ZNF749: variants seen among roughly 807,000 people sequenced by gnomAD.
ZNF749 encodes zinc finger protein 749.
A neutral mutation model predicts 7.3 loss-of-function variants in ZNF749; 8 were observed. The ratio of observed to expected loss-of-function variants is 1.10; its 90% CI spans 0.64 to 1.98. ZNF749 has a LOEUF of 1.98. Among genes scored for constraint, ZNF749 ranks in the 30% most tolerant of loss-of-function variants. ZNF749 has a pLI of 0.00. For synonymous variants in ZNF749, 310 were observed against 322.4 expected (o/e 0.96, Z 0.41); for missense variants, 898 against 932.4 (o/e 0.96, Z 0.48).
chr19:57,444,466 T>C lies in ZNF749; in HGVS notation c.1318T>C (p.Cys440Arg), dbSNP rs376363455. 2.9e-5 allele frequency: 46 copies of C among 1,613,894 alleles called. No individual in the cohort carries two copies. The highest frequency in any genetic ancestry group is 3.9e-5 in the Non-Finnish European group (46 of 1,179,906). Residue 440 changes from cysteine to arginine, a missense_variant, in exon 3 of 3, where the codon TGC (cysteine) becomes CGC (arginine). Transcript: ENST00000334181. ...KIHTGERPYE[C>R]TECEKAFVRK... ...TCATACTGGAGAACGGCCTTATGAG[T>C]GCACTGAATGTGAGAAGGCCTTTGT...
At chr19:57,434,605 A>T (rs2123087266), upstream of ZNF749, among the ~76,000 whole-genome samples, 1 of 152,230 alleles carries the variant, frequency 6.6e-6, no homozygotes, top group South Asian at 2.1e-4. Flanking sequence ...GTTAAAACCA[A>T]GCTGTAGATG....
Position 57,442,949 on chromosome 19 carries a change from AGTAGT to A in ZNF749, c.143-341_143-337del, listed in dbSNP as rs2089007638. Reference sequence around the variant, plus strand: ...GTTATGAGGTCTGCGTGTATCCTTCAGTAGTCCATGAATACTCGCTCTCACACAAT... The same window carrying A: ...GTTATGAGGTCTGCGTGTATCCTTCACCATGAATACTCGCTCTCACACAAT... On this transcript the variant is annotated intron_variant, in intron 2 of 2. Transcript: ENST00000334181. The surrounding 1 kb of genome is among the most constrained non-coding windows in gnomAD (Gnocchi z 6.6). Among the ~76,000 whole-genome samples, 1 of 152,162 alleles carries A rather than the reference AGTAGT, an allele frequency of 6.6e-6. No individual in the cohort carries two copies. The highest frequency in any genetic ancestry group is 2.4e-5 in the African/African-American group (1 of 41,420).
Position 57,442,779 on chromosome 19 carries a change from C to G in ZNF749, c.143-512C>G, listed in dbSNP as rs542674512. Among the ~76,000 whole-genome samples, 6 of 152,150 alleles carry G rather than the reference C, an allele frequency of 3.9e-5. No homozygotes were observed. The South Asian group carries it at 1.2e-3, about 32-fold the overall frequency. ...GGCCACTGGCCACTCGTCACTCTTC[C>G]TTTCCTTCCCTGTTGTTATTTTTAC... On this transcript the variant is annotated intron_variant, in intron 2 of 2. Coordinates refer to ENST00000334181, the MANE Select transcript of ZNF749 (RefSeq NM_001023561.4). This position sits in a 1 kb window ranked among gnomAD's most constrained non-coding sequence, Gnocchi z 6.6.
chr19:57,444,730 C>T lies in ZNF749; in HGVS notation c.1582C>T (p.Gln528Ter). 1 of 1,612,782 alleles carries T rather than the reference C, an allele frequency of 6.2e-7. No homozygotes were observed. The highest frequency in any genetic ancestry group is 8.5e-7 in the Non-Finnish European group (1 of 1,179,676). The change falls in exon 3 of 3, where the codon CAG becomes TAG. Residue 528 changes from glutamine to a stop codon, truncating the protein, a stop_gained. Coordinates refer to ENST00000334181, the MANE Select transcript of ZNF749 (RefSeq NM_001023561.4). LOFTEE classifies it low-confidence loss of function (END_TRUNC). ...CTTTGTTAGAAAGTCCCACCTAGTT[C>T]AGCATGAGAAAATCCACACTGATGC... ...KAFVRKSHLV[Q>*]HEKIHTDAFS...
Position 57,444,219 on chromosome 19 carries a change from T to C in ZNF749, c.1071T>C (p.Ser357=). 6.2e-7 allele frequency: 1 copy of C among 1,614,094 alleles called. No individual in the cohort carries two copies. Among genetic ancestry groups the C allele is most frequent in the Non-Finnish European group, 8.5e-7 (1 of 1,180,024 alleles). Residue 357 remains serine, a synonymous_variant, in exon 3 of 3, where the codon AGT becomes AGC. Transcript: ENST00000334181. ...CTGGGGAGAGGCGTTACGAGTGCAGTGAATGTGGGAAATTGTTTATGGACA... is the reference window on the plus strand; with the variant it reads ...CTGGGGAGAGGCGTTACGAGTGCAGCGAATGTGGGAAATTGTTTATGGACA... ...VHTGERRYEC[S]ECGKLFMDSF... is the part of the protein sequence containing the mutation.
Position 57,445,446 on chromosome 19 carries a change from CATT to C in ZNF749, c.2300_2302del (p.Ile767del), listed in dbSNP as rs759995328. ...AAGTGTTTAAATACAACTCCAGCCTCATTAAACATCAGATAATTCATACTGGAA... is the reference window on the plus strand; with the variant it reads ...AAGTGTTTAAATACAACTCCAGCCTCAAACATCAGATAATTCATACTGGAA... On this transcript the variant is annotated inframe_deletion, in exon 3 of 3. Coordinates refer to ENST00000334181, the MANE Select transcript of ZNF749 (RefSeq NM_001023561.4). 8.7e-6 allele frequency: 14 copies of C among 1,612,226 alleles called. No individual in the cohort carries two copies. In the South Asian group the frequency reaches 1.4e-4, roughly 17 times the overall value.
At position 57,446,927 on chromosome 19, in the gene ZNF749, C is replaced by G. The variant is rs1258396667; in HGVS notation, c.*1442C>G. ...AAAATGGTAAAAACTTTATAGGGCACTAACATGAACGAAGCTTGCGGGACC... is the reference window on the plus strand; with the variant it reads ...AAAATGGTAAAAACTTTATAGGGCAGTAACATGAACGAAGCTTGCGGGACC... On this transcript the variant is annotated 3_prime_UTR_variant, in exon 3 of 3. Coordinates refer to ENST00000334181, the MANE Select transcript of ZNF749 (RefSeq NM_001023561.4). Among the ~76,000 whole-genome samples the G allele has an allele frequency of 6.6e-6, 1 of 152,130 alleles. No individual in the cohort carries two copies. The highest frequency in any genetic ancestry group is 1.5e-5 in the Non-Finnish European group (1 of 68,030).
At position 57,442,314 on chromosome 19, in the gene ZNF749, A is replaced by G. The variant is rs7260117; in HGVS notation, c.142+303A>G. ...GTCCCTGGTTTGATTACTCTGTCCA[A>G]ATGTGTGAAACCTCTGTCCAAGGGT... is the stretch of plus-strand genomic sequence containing the variant. On this transcript the variant is annotated intron_variant, in intron 2 of 2. Coordinates refer to ENST00000334181, the MANE Select transcript of ZNF749 (RefSeq NM_001023561.4). This position sits in a 1 kb window ranked among gnomAD's most constrained non-coding sequence, Gnocchi z 6.6. Among the ~76,000 whole-genome samples, 4,321 of 152,132 alleles carry G rather than the reference A, an allele frequency of 0.028. 188 individuals carry two copies. Among genetic ancestry groups the G allele is most frequent in the African/African-American group, 0.099 (4,094 of 41,484 alleles).
In ZNF749 at chr19:57,441,964, T is replaced by C. The variant is rs2088995159; in HGVS notation, c.95T>C (p.Leu32Pro). The part of the protein sequence containing the change: ...WGILNDAQRH[L>P]HSNVMLENFA... ...ATCCTTAATGATGCTCAGAGACACC[T>C]GCACAGCAATGTGATGTTGGAGAAC... Residue 32 changes from leucine to proline, a missense_variant, in exon 2 of 3, where the codon CTG (leucine) becomes CCG (proline). Transcript: ENST00000334181. The C allele has an allele frequency of 1.9e-6, 3 of 1,614,186 alleles. No homozygotes were observed. The highest frequency in any genetic ancestry group is 2.5e-6 in the Non-Finnish European group (3 of 1,180,026).
In ZNF749 at chr19:57,435,696, G is replaced by C. The variant is rs1269013819; in HGVS notation, c.15+103G>C. 8 of 1,507,388 alleles carry C rather than the reference G, an allele frequency of 5.3e-6. No individual in the cohort carries two copies. The Admixed American group carries it at 1.7e-4, about 32-fold the overall frequency. 93.4% of individuals were successfully genotyped at this position (1,507,388 alleles called of 1,614,324 possible). A position where few individuals can be genotyped will look rare whatever the true frequency, so the allele number is the denominator to read the frequency against. ...AGGCCCTTGTGTCTCTAAGAGAGGG[G>C]CGTTCTTGTGTGGGGTGCCCGGGAC... On this transcript the variant is annotated intron_variant, in intron 1 of 2. Transcript: ENST00000334181.
At position 57,444,953 on chromosome 19, in the gene ZNF749, A is replaced by G; in HGVS notation, c.1805A>G (p.His602Arg). The G allele has an allele frequency of 1.2e-6, 2 of 1,614,030 alleles. No individual in the cohort carries two copies. The highest frequency in any genetic ancestry group is 1.7e-6 in the Non-Finnish European group (2 of 1,179,980). Residue 602 changes from histidine to arginine, a missense_variant, in exon 3 of 3, where the codon CAT becomes CGT. Transcript: ENST00000334181. ...FFLDSYKLVI[H>R]QRIHTGEKPY... ...TTGGACAGCTACAAACTTGTTATTC[A>G]TCAGAGAATTCACACTGGAGAAAAG... is the stretch of plus-strand genomic sequence containing the variant.
upstream of ZNF749, among the ~76,000 whole-genome samples, chr19:57,431,038 C>CA (rs34687490): frequency 0.56 from 52,163 of 93,494 alleles, 13,038 homozygotes; most frequent in East Asian, 0.73. Flanking sequence ...GACTCTGTCT[C>CA]AAAAAAAAAA....
rs575707046 is a variant in ZNF749 at position 57,436,263 on chromosome 19, G to A, written c.15+670G>A. Among the ~76,000 whole-genome samples, 1 of 152,324 alleles carries A rather than the reference G, an allele frequency of 6.6e-6. No individual in the cohort carries two copies. The highest frequency in any genetic ancestry group is 2.4e-5 in the African/African-American group (1 of 41,586). On this transcript the variant is annotated intron_variant, in intron 1 of 2. Transcript: ENST00000334181. This position sits in a 1 kb window ranked among gnomAD's most constrained non-coding sequence, Gnocchi z 4.0. Reference sequence around the variant, plus strand: ...GGTTGGATTTTGGGCGACATCACATGGGTAGGTGGACGTAATTTCCAAAGG... The same window carrying A: ...GGTTGGATTTTGGGCGACATCACATAGGTAGGTGGACGTAATTTCCAAAGG...
At chr19:57,441,238 G>A (rs747531275) in intron 1 of ZNF749, among the ~76,000 whole-genome samples, 10 of 152,062 alleles carry the variant, frequency 6.6e-5, no homozygotes, top group African/African-American at 9.7e-5. Flanking sequence ...CAGTGGGGGC[G>A]AGAGAAGTGC....
chr19:57,433,644 G>T, upstream of ZNF749, among the ~76,000 whole-genome samples: 1 of 148,878 alleles, frequency 6.7e-6, no homozygotes, highest in African/African-American at 2.5e-5. Flanking sequence ...TAAACTGGTT[G>T]GCAAACTAAA....
chr19:57,437,979 T>G (rs1027369620), intron 1 of ZNF749: 5 of 397,326 alleles, frequency 1.3e-5, no homozygotes, highest in African/African-American at 2.1e-5. Context: ...AGCACTGAAC[T>G]TAGGACTTGC....
upstream of ZNF749, among the ~76,000 whole-genome samples, chr19:57,430,636 G>T (rs12980669): frequency 0.09 from 13,758 of 152,184 alleles, 821 homozygotes; most frequent in South Asian, 0.15. Flanking sequence ...TACATACTTG[G>T]CTCTTGAAAG....
At position 57,443,940 on chromosome 19, in the gene ZNF749, G is replaced by C; in HGVS notation, c.792G>C (p.Lys264Asn). 1.2e-6 allele frequency: 2 copies of C among 1,613,906 alleles called. No homozygotes were observed. Among genetic ancestry groups the C allele is most frequent in the Non-Finnish European group, 1.7e-6 (2 of 1,179,872 alleles). Residue 264 changes from lysine to asparagine, a missense_variant, in exon 3 of 3, where the codon AAG becomes AAC. Coordinates refer to ENST00000334181, the MANE Select transcript of ZNF749 (RefSeq NM_001023561.4). ...GTEYGKTFIRKSNLVQHQKIH... is the reference protein window; with the variant it reads ...GTEYGKTFIRNSNLVQHQKIH... The stretch of plus-strand genomic sequence containing the variant: ...AATATGGAAAGACCTTTATTAGAAA[G>C]TCCAACCTAGTTCAGCACCAGAAAA...
chr19:57,442,821 T>G lies in ZNF749; in HGVS notation c.143-470T>G, dbSNP rs1032224906. Among the ~76,000 whole-genome samples, 2 of 152,176 alleles carry G rather than the reference T, an allele frequency of 1.3e-5. No homozygotes were observed. Among genetic ancestry groups the G allele is most frequent in the Non-Finnish European group, 2.9e-5 (2 of 68,022 alleles). On this transcript the variant is annotated intron_variant, in intron 2 of 2. Coordinates refer to ENST00000334181, the MANE Select transcript of ZNF749 (RefSeq NM_001023561.4). This position sits in a 1 kb window ranked among gnomAD's most constrained non-coding sequence, Gnocchi z 6.6. ...TATTTTTACTCTGACTTCTGACCCC[T>G]GGCTTCCACCTCTGACCCCTCCTCT...
Sources: allele counts gnomAD v4.1 joint callset (sites outside exome capture counted in the v4.1 genomes callset), GRCh38; gene constraint gnomAD v4.1.1; non-coding constraint Gnocchi (gnomAD v3.1); transcripts MANE v1.5; gene names NCBI Gene and HGNC (gene_info 2026-07-23, HGNC 2026-07-21).